The following CELF2 variants were observed in gnomAD, a reference collection of about 807,000 sequenced individuals.
CELF2 encodes CUG triplet repeat RNA-binding protein 2.
A neutral mutation model predicts 62.6 loss-of-function variants in CELF2; 8 were observed. That is an observed-to-expected ratio of 0.13 (90% CI 0.07 to 0.23). The LOEUF is 0.23. Among genes scored for constraint, CELF2 ranks in the 10% least tolerant of loss-of-function variants. The probability of loss-of-function intolerance (pLI) is 1.00; values close to 1 mark genes in which losing one functional copy is unlikely to be tolerated. For missense variants in CELF2, 333 were observed against 671.0 expected (o/e 0.50, Z 5.56); for synonymous variants, 258 against 250.0 (o/e 1.03, Z -0.30).
In CELF2 at chr10:11,204,771, G is replaced by A. The variant is rs116004559; in HGVS notation, c.272-12654G>A. Among the ~76,000 whole-genome samples, 1,286 of 152,312 alleles carry A rather than the reference G, an allele frequency of 8.4e-3. 21 individuals are homozygous for A. The highest frequency in any genetic ancestry group is 0.025 in the African/African-American group (1,033 of 41,572). On this transcript the variant is annotated intron_variant, in intron 2 of 12. Coordinates refer to ENST00000633077, the MANE Select transcript of CELF2 (RefSeq NM_001326342.2). ...ATGGTGGTCTGTGCCCCAGGCTTCCGCCGGACATCTCCTCCTCCCCGTCCT... is the reference window on the plus strand; with the variant it reads ...ATGGTGGTCTGTGCCCCAGGCTTCCACCGGACATCTCCTCCTCCCCGTCCT...
rs534576923 is a variant in CELF2 at position 10,961,407 on chromosome 10, A to C, written c.89+41408A>C. On this transcript the variant is annotated intron_variant, in intron 2 of 13. Coordinates refer to the CELF2 transcript ENST00000636488. Reference sequence around the variant, plus strand: ...CATCCAGGTGAATTTCTTGGTTTTAAAAATTAAAACAATGGTCTCAGTAAC... The same window carrying C: ...CATCCAGGTGAATTTCTTGGTTTTACAAATTAAAACAATGGTCTCAGTAAC... Among the ~76,000 whole-genome samples, 9 of 152,324 alleles carry C rather than the reference A, an allele frequency of 5.9e-5. No homozygotes were observed. In the South Asian group the frequency reaches 1.9e-3, roughly 32 times the overall value.
chr10:10,636,392 C>T, the CELF2 span, among the ~76,000 whole-genome samples: 1,024 of 152,208 alleles, frequency 6.7e-3, 5 homozygotes, highest in Middle Eastern at 0.014. Context: ...TAACATTTTT[C>T]TCTCTACTTG....
At chr10:11,085,727 G>T (rs996900940) in intron 1 of CELF2, among the ~76,000 whole-genome samples, 2 of 152,046 alleles carry the variant, frequency 1.3e-5, no homozygotes, top group Non-Finnish European at 1.5e-5. Context: ...GGAGTTTTTT[G>T]TCCCCACCTC....
chr10:10,898,165 T>C lies in CELF2; in HGVS notation c.54-21799T>C, dbSNP rs2062694079. Among the ~76,000 whole-genome samples, 3 of 152,230 alleles carry C rather than the reference T, an allele frequency of 2.0e-5. No individual in the cohort carries two copies. The South Asian group carries it at 6.2e-4, about 32-fold the overall frequency. On this transcript the variant is annotated intron_variant, in intron 1 of 13. Transcript: ENST00000636488. The stretch of plus-strand genomic sequence containing the variant: ...ACTGTATGCCTGACCCACCATTGTA[T>C]TTTGGAAGCAGATAACTTGTTTTCT...
intron 1 of CELF2, among the ~76,000 whole-genome samples, chr10:11,140,783 A>C (rs972427997): frequency 2.0e-5 from 3 of 152,180 alleles, no homozygotes; most frequent in African/African-American, 7.2e-5. Flanking sequence ...TGGGAGACCA[A>C]GGTGGGAAGG....
the CELF2 span, among the ~76,000 whole-genome samples, chr10:10,474,642 C>A: frequency 6.6e-6 from 1 of 151,996 alleles, no homozygotes; most frequent in Non-Finnish European, 1.5e-5. Flanking sequence ...AACCTGCAGG[C>A]CATACAGAAA....
At position 11,318,884 on chromosome 10, in the gene CELF2, C is replaced by G; in HGVS notation, c.1097-2305C>G. ...GCTGCACATCGCAGGAAGGATCCCC[C>G]GTGGGTCTCACATGACAGGGCCTGA... On this transcript the variant is annotated intron_variant, in intron 10 of 12. Coordinates refer to ENST00000633077, the MANE Select transcript of CELF2 (RefSeq NM_001326342.2). This position sits in a 1 kb window ranked among gnomAD's most constrained non-coding sequence, Gnocchi z 5.4. 2.1e-6 allele frequency: 1 copy of G among 471,156 alleles called. No individual in the cohort carries two copies. The highest frequency in any genetic ancestry group is 2.3e-5 in the Admixed American group (1 of 42,592). The allele number at this position is 471,156 out of a possible 1,614,324, so 29.2% of individuals were successfully genotyped here.
the CELF2 span, among the ~76,000 whole-genome samples, chr10:10,531,658 G>T: frequency 6.6e-6 from 1 of 152,156 alleles, no homozygotes; most frequent in South Asian, 2.1e-4. Flanking sequence ...CCTGATCTGT[G>T]TGTGAATTCT....
At chr10:10,758,539 T>A in the CELF2 span, among the ~76,000 whole-genome samples, 1 of 152,116 alleles carries the variant, frequency 6.6e-6, no homozygotes, top group South Asian at 2.1e-4. Flanking sequence ...TGGATCACAT[T>A]GGTGTCCCAT....
chr10:11,288,884 C>T (rs908777733), intron 9 of CELF2, among the ~76,000 whole-genome samples: 5 of 152,158 alleles, frequency 3.3e-5, no homozygotes, highest in Admixed American at 3.3e-4. Flanking sequence ...CTTAGTCTTT[C>T]TTTGTCCTGC....
At chr10:11,282,944 C>A (rs1452961904) in intron 8 of CELF2, among the ~76,000 whole-genome samples, 1 of 152,262 alleles carries the variant, frequency 6.6e-6, no homozygotes, top group African/African-American at 2.4e-5. Context: ...AACTTCTTTT[C>A]TCTTTAAGAC....
At chr10:11,278,335 G>A (rs966872944) in intron 8 of CELF2, among the ~76,000 whole-genome samples, 2 of 152,080 alleles carry the variant, frequency 1.3e-5, no homozygotes, top group Non-Finnish European at 2.9e-5. Context: ...ATAAATTGAC[G>A]GCTTTTATAT....
intron 1 of CELF2, among the ~76,000 whole-genome samples, chr10:11,135,455 G>T (rs925156650): frequency 2.0e-5 from 3 of 152,190 alleles, no homozygotes; most frequent in African/African-American, 7.2e-5. Flanking sequence ...TGTGAAACGT[G>T]CATTTCCTCT....
At chr10:10,891,152 TGTAA>T in intron 1 of CELF2, among the ~76,000 whole-genome samples, 1 of 152,230 alleles carries the variant, frequency 6.6e-6, no homozygotes, top group Admixed American at 6.5e-5. Context: ...TAAGAACAAA[TGTAA>T]GTAATTTTTG....
chr10:10,601,551 G>T, the CELF2 span, among the ~76,000 whole-genome samples: 1 of 152,088 alleles, frequency 6.6e-6, no homozygotes, highest in Non-Finnish European at 1.5e-5. Flanking sequence ...ACGACAGTTG[G>T]TTTTTCTTCA....
chr10:11,062,359 T>C (rs773768602), intron 1 of CELF2, among the ~76,000 whole-genome samples: 7 of 152,258 alleles, frequency 4.6e-5, no homozygotes, highest in Non-Finnish European at 1.0e-4. Flanking sequence ...CTGCTATAGA[T>C]TGTGATTCCT....
intron 1 of CELF2, among the ~76,000 whole-genome samples, chr10:11,116,730 G>C (rs943028699): frequency 6.6e-6 from 1 of 152,306 alleles, no homozygotes; most frequent in Non-Finnish European, 1.5e-5. Flanking sequence ...AAAATTATCA[G>C]AATTTGTCAA....
At chr10:11,004,893 C>T (rs1592966083), upstream of CELF2, among the ~76,000 whole-genome samples, 2 of 152,194 alleles carry the variant, frequency 1.3e-5, no homozygotes, top group African/African-American at 4.8e-5. The surrounding 1 kb of genome is among the most constrained non-coding windows in gnomAD (Gnocchi z 5.0). Flanking sequence ...TTTTAGCACA[C>T]TGACCCATCC....
intron 1 of CELF2, among the ~76,000 whole-genome samples, chr10:11,020,957 C>T (rs948957184): frequency 6.6e-6 from 1 of 152,154 alleles, no homozygotes; most frequent in Admixed American, 6.5e-5. Flanking sequence ...GTTTCATTGT[C>T]TTTGTGTTAC....
Sources: gnomAD v4.1 joint callset for allele counts (sites outside exome capture counted in the v4.1 genomes callset) on GRCh38, gnomAD v4.1.1 for gene constraint, Gnocchi (gnomAD v3.1) non-coding constraint, MANE v1.5 for transcripts, NCBI Gene and HGNC (gene_info 2026-07-23, HGNC 2026-07-21) for gene names.